PLCB1: variants seen among roughly 807,000 people sequenced by gnomAD.
The protein encoded by PLCB1 is phospholipase C beta 1.
A neutral mutation model predicts 161.8 loss-of-function variants in PLCB1; 46 were observed. That is an observed-to-expected ratio of 0.28 (90% CI 0.22 to 0.36). The LOEUF is 0.36. Ranked by LOEUF, PLCB1 falls within the 10% of genes least tolerant of loss-of-function variation. The pLI, the probability that PLCB1 is intolerant of heterozygous loss-of-function variation, is 1.00. For synonymous variants in PLCB1, 517 were observed against 503.7 expected, an observed-to-expected ratio of 1.03 and a Z score of -0.35; for missense variants, 1,016 against 1,472.5, an observed-to-expected ratio of 0.69 and a Z score of 5.07.
At position 8,812,421 on chromosome 20, in the gene PLCB1, G is replaced by A. The variant is rs149529788; in HGVS notation, c.3423+22160G>A. On this transcript the variant is annotated intron_variant, in intron 31 of 31. Coordinates refer to ENST00000338037, the MANE Select transcript of PLCB1 (RefSeq NM_015192.4). The stretch of plus-strand genomic sequence containing the variant: ...GTGGTGTGAGCGGGGGCTGGTGTGA[G>A]CGGGGGCTGGTGTGAGCGGGGGCTG... Among the ~76,000 whole-genome samples the A allele has an allele frequency of 7.2e-5, 11 of 152,130 alleles. No homozygotes were observed. In the East Asian group the frequency reaches 2.1e-3, roughly 29 times the overall value.
chr20:8,391,763 G>T, intron 3 of PLCB1, among the ~76,000 whole-genome samples: 1 of 122,490 alleles, frequency 8.2e-6, no homozygotes, highest in African/African-American at 3.0e-5. Context: ...AAATAATGAA[G>T]TATATATATA....
At chr20:8,223,648 T>G (rs1979529255) in intron 2 of PLCB1, among the ~76,000 whole-genome samples, 1 of 152,190 alleles carries the variant, frequency 6.6e-6, no homozygotes, top group African/African-American at 2.4e-5. Flanking sequence ...GATTGTGTTT[T>G]GGGTATGTAA....
chr20:8,665,469 A>T (rs890381364), intron 9 of PLCB1, among the ~76,000 whole-genome samples: 1 of 152,182 alleles, frequency 6.6e-6, no homozygotes, highest in Non-Finnish European at 1.5e-5. Flanking sequence ...GCTGTTTCTC[A>T]TCTAACAGCC....
At chr20:8,218,417 C>A (rs1053141976) in intron 2 of PLCB1, among the ~76,000 whole-genome samples, 7 of 152,058 alleles carry the variant, frequency 4.6e-5, no homozygotes, top group Non-Finnish European at 8.8e-5. Context: ...AGCATTAGTA[C>A]ACAGAAAAGC....
intron 3 of PLCB1, among the ~76,000 whole-genome samples, chr20:8,471,995 A>G (rs900930575): frequency 1.3e-5 from 2 of 152,226 alleles, no homozygotes; most frequent in Non-Finnish European, 2.9e-5. Context: ...GAATTACAAA[A>G]AAAATAGTCT....
intron 3 of PLCB1, among the ~76,000 whole-genome samples, chr20:8,534,677 CA>C (rs1386409309): frequency 6.6e-6 from 1 of 152,020 alleles, no homozygotes; most frequent in African/African-American, 2.4e-5. Flanking sequence ...TCAGACAGAG[CA>C]AAAAGCCATT....
At chr20:8,699,045 T>G (rs2123430977) in intron 11 of PLCB1, among the ~76,000 whole-genome samples, 1 of 152,262 alleles carries the variant, frequency 6.6e-6, no homozygotes, top group South Asian at 2.1e-4. Context: ...TCCTAGGTAC[T>G]TGGAGAGTGA....
intron 9 of PLCB1, among the ~76,000 whole-genome samples, chr20:8,661,263 G>C (rs1989612954): frequency 6.6e-6 from 1 of 152,098 alleles, no homozygotes; most frequent in African/African-American, 2.4e-5. Flanking sequence ...GATCTAATCA[G>C]TGACCCAAAG....
intron 2 of PLCB1, among the ~76,000 whole-genome samples, chr20:8,264,967 A>G (rs934791090): frequency 2.0e-5 from 3 of 152,154 alleles, no homozygotes; most frequent in African/African-American, 7.2e-5. Context: ...TCAGGGAGAT[A>G]ATTAATGAGG....
At chr20:8,567,537 T>C (rs1986376306) in intron 3 of PLCB1, among the ~76,000 whole-genome samples, 1 of 152,104 alleles carries the variant, frequency 6.6e-6, no homozygotes, top group Admixed American at 6.6e-5. Flanking sequence ...AAATCTTCCC[T>C]CCAAAATTCC....
intron 31 of PLCB1, 115 bp from the exon 32 acceptor site, chr20:8,881,507 T>C (rs45591940): frequency 1.9e-4 from 137 of 716,884 alleles, no homozygotes; most frequent in Non-Finnish European, 3.2e-4. Context: ...TGAATGATAT[T>C]TTAAGTTAAT....
At position 8,632,022 on chromosome 20, in the gene PLCB1, TG is replaced by T. The variant is rs1416618482; in HGVS notation, c.384+3594del. ...AAATTACTCCTGGAGGAGACAAATA[TG>T]GGTTTTTTTTGCTTTTTTTTTTTTT... On this transcript the variant is annotated intron_variant, in intron 4 of 31. Transcript: ENST00000338037. Among the ~76,000 whole-genome samples the T allele has an allele frequency of 6.8e-4, 87 of 128,334 alleles. 3 individuals carry two copies. The highest frequency in any genetic ancestry group is 2.1e-3 in the East Asian group (9 of 4,278). The allele number at this position is 128,334 out of a possible 152,430, so 84.2% of individuals were successfully genotyped here.
intron 2 of PLCB1, among the ~76,000 whole-genome samples, chr20:8,202,318 C>T (rs1469510878): frequency 2.0e-5 from 3 of 152,224 alleles, no homozygotes; most frequent in East Asian, 1.9e-4. Context: ...TCAAGTGATC[C>T]GCTTACCTCC....
intron 31 of PLCB1, among the ~76,000 whole-genome samples, chr20:8,804,953 G>T (rs938436918): frequency 9.6e-5 from 13 of 136,092 alleles, no homozygotes; most frequent in Non-Finnish European, 9.1e-5. Flanking sequence ...GTGAGCCAAG[G>T]TTGCACCATT....
intron 11 of PLCB1, among the ~76,000 whole-genome samples, chr20:8,705,025 G>A (rs975208417): frequency 2.9e-4 from 37 of 129,352 alleles, no homozygotes; most frequent in African/African-American, 1.0e-3. Context: ...TGCGTTGAAT[G>A]AGGCCCATCC....
intron 3 of PLCB1, among the ~76,000 whole-genome samples, chr20:8,378,657 G>A (rs569269308): frequency 1.3e-5 from 2 of 152,300 alleles, no homozygotes; most frequent in East Asian, 1.9e-4. Context: ...TAAGACAACA[G>A]TGAAGTTTGC....
At position 8,882,025 on chromosome 20, in the gene PLCB1, T is replaced by A. The variant is rs866798017; in HGVS notation, c.*176T>A. 4 of 595,988 alleles carry A rather than the reference T, an allele frequency of 6.7e-6. No individual in the cohort carries two copies. Among genetic ancestry groups the A allele is most frequent in the African/African-American group, 1.9e-5 (1 of 53,798 alleles). 36.9% of individuals were successfully genotyped at this position (595,988 alleles called of 1,614,324 possible). On this transcript the variant is annotated 3_prime_UTR_variant, in exon 32 of 32. Coordinates refer to ENST00000338037, the MANE Select transcript of PLCB1 (RefSeq NM_015192.4). ...GAAGAATTCCCATGCCCAGGCTCCA[T>A]GTGTCATGTGGAAACCTCCACAGGT...
intron 9 of PLCB1, among the ~76,000 whole-genome samples, chr20:8,659,679 A>C (rs1989568181): frequency 6.6e-6 from 1 of 152,104 alleles, no homozygotes; most frequent in Non-Finnish European, 1.5e-5. Context: ...TGGTCCTCTA[A>C]ATTGAAAATG....
intron 2 of PLCB1, among the ~76,000 whole-genome samples, chr20:8,323,094 C>T (rs1167665044): frequency 6.6e-6 from 1 of 152,100 alleles, no homozygotes. Context: ...GACACAGTCC[C>T]AAGAGGGATT....
Sources: gnomAD v4.1 joint callset for allele counts (sites outside exome capture counted in the v4.1 genomes callset) on GRCh38, gnomAD v4.1.1 for gene constraint, MANE v1.5 for transcripts, NCBI Gene and HGNC (gene_info 2026-07-23, HGNC 2026-07-21) for gene names.